DMC1: variants seen among roughly 807,000 people sequenced by gnomAD.
DMC1 encodes the protein meiotic recombination protein DMC1 homolog.
Under a neutral mutation model 50.1 loss-of-function variants are expected in DMC1, and 27 were observed. The observed-to-expected ratio is 0.54, with a 90% CI of 0.40 to 0.74. DMC1 has a LOEUF of 0.74. Ranked by LOEUF, DMC1 falls within the 30% of genes least tolerant of loss-of-function variation. The pLI, the probability that DMC1 is intolerant of heterozygous loss-of-function variation, is 0.00. For missense variants in DMC1, 295 were observed against 420.2 expected (o/e 0.70, Z 2.60); for synonymous variants, 148 against 136.1 (o/e 1.09, Z -0.61).
chr22:38,563,462 C>T (rs773966927), intron 4 of DMC1, among the ~76,000 whole-genome samples: 1 of 152,248 alleles, frequency 6.6e-6, no homozygotes, highest in Non-Finnish European at 1.5e-5. Flanking sequence ...GATTCTGATA[C>T]ACATCAGTGT....
In DMC1 at chr22:38,539,420, A is replaced by G. The variant is rs1357612658; in HGVS notation, c.495-8T>C. Reference sequence around the variant, plus strand: ...CTAAGGCGATCTGGACGGCTGGAGTATGCCAAGATTAAGGATCCAATAAGT... The same window carrying G: ...CTAAGGCGATCTGGACGGCTGGAGTGTGCCAAGATTAAGGATCCAATAAGT... On this transcript the variant is annotated splice_polypyrimidine_tract_variant and splice_region_variant and intron_variant, in intron 8 of 13. Transcript: ENST00000216024. 1 of 1,612,508 alleles carries G rather than the reference A, an allele frequency of 6.2e-7. No homozygotes were observed.
At chr22:38,509,295 ATTC>A in the DMC1 span, among the ~76,000 whole-genome samples, 1 of 151,888 alleles carries the variant, frequency 6.6e-6, no homozygotes, top group Non-Finnish European at 1.5e-5. Context: ...TCCGTTAGCT[ATTC>A]TTCTCGATGC....
chr22:38,569,655 G>A (rs2090618404), intron 1 of DMC1, among the ~76,000 whole-genome samples: 2 of 152,216 alleles, frequency 1.3e-5, no homozygotes, highest in South Asian at 2.1e-4. Flanking sequence ...AGACTGAACC[G>A]TTGGATTGAA....
intron 4 of DMC1, among the ~76,000 whole-genome samples, chr22:38,566,274 GAA>G (rs547899560): frequency 4.4e-5 from 3 of 67,670 alleles, no homozygotes; most frequent in East Asian, 3.9e-4. Context: ...CTCTGTCTCA[GAA>G]AAAAAAAAAA....
chr22:38,560,244 T>C (rs890843538), intron 5 of DMC1, among the ~76,000 whole-genome samples: 2 of 152,110 alleles, frequency 1.3e-5, no homozygotes, highest in African/African-American at 4.8e-5. Context: ...GCAAGCCATG[T>C]AGATCTAAGA....
Position 38,546,390 on chromosome 22 carries a change from GA to G in DMC1, c.494+3534del, listed in dbSNP as rs1008227349. Reference sequence around the variant, plus strand: ...GGCAACAAGAGTGAAACTCCATCTCGAAAAAAAAAAACTCCAAATTGCCCAA... The same window carrying G: ...GGCAACAAGAGTGAAACTCCATCTCGAAAAAAAAAACTCCAAATTGCCCAA... On this transcript the variant is annotated intron_variant, in intron 8 of 13. Transcript: ENST00000216024. Among the ~76,000 whole-genome samples the G allele has an allele frequency of 1.4e-4, 20 of 145,302 alleles. No homozygotes were observed. The South Asian group carries it at 1.5e-3, about 11-fold the overall frequency.
intron 12 of DMC1, among the ~76,000 whole-genome samples, chr22:38,528,062 A>C (rs939520735): frequency 2.7e-5 from 4 of 149,948 alleles, no homozygotes; most frequent in Non-Finnish European, 5.9e-5. Context: ...ATATATATTG[A>C]ATTTTTTTTT....
At chr22:38,514,418 T>C (rs2089962432), downstream of DMC1, among the ~76,000 whole-genome samples, 1 of 151,866 alleles carries the variant, frequency 6.6e-6, no homozygotes. Flanking sequence ...CTAATTTTTG[T>C]ATTTTTAGTA....
At chr22:38,552,756 ATT>A (rs769605172) in intron 6 of DMC1, 49 bp from the exon 7 acceptor site, 82 of 1,253,130 alleles carry the variant, frequency 6.5e-5, no homozygotes, top group Non-Finnish European at 8.0e-5. Flanking sequence ...ATTTCCAGAT[ATT>A]TTCATAAAGA....
chr22:38,531,962 C>T (rs572010061), intron 12 of DMC1, among the ~76,000 whole-genome samples: 1 of 152,210 alleles, frequency 6.6e-6, no homozygotes, highest in South Asian at 2.1e-4. Context: ...ACCTAATTTC[C>T]GCTGATTTCC....
chr22:38,570,162 G>A lies in DMC1; in HGVS notation c.-153C>T, dbSNP rs1334135090. The A allele has an allele frequency of 6.6e-6, 1 of 152,170 alleles. No homozygotes were observed. The highest frequency in any genetic ancestry group is 1.5e-5 in the Non-Finnish European group (1 of 68,116). The allele number at this position is 152,170 out of a possible 1,614,324, so 9.4% of individuals were successfully genotyped here. ...GAACACGGAGCCTGGAGACCCGCGC[G>A]CCGTTGACCACAGGGTTTGGCGCCA... On this transcript the variant is annotated 5_prime_UTR_variant, in exon 1 of 14. Transcript: ENST00000216024.
intron 12 of DMC1, among the ~76,000 whole-genome samples, chr22:38,530,506 T>TA (rs1365825761): frequency 2.0e-5 from 3 of 152,092 alleles, no homozygotes; most frequent in Non-Finnish European, 2.9e-5. Flanking sequence ...TTCAACAACT[T>TA]ACTGAGATTG....
At chr22:38,528,639 T>C (rs2090122210) in intron 12 of DMC1, among the ~76,000 whole-genome samples, 1 of 151,742 alleles carries the variant, frequency 6.6e-6, no homozygotes. Flanking sequence ...TGCAAAAAAT[T>C]AACCCGGTGT....
chr22:38,525,449 T>C (rs2090077754), intron 12 of DMC1, among the ~76,000 whole-genome samples: 1 of 152,178 alleles, frequency 6.6e-6, no homozygotes, highest in Non-Finnish European at 1.5e-5. Flanking sequence ...TGTATAGCCA[T>C]GATTTTTTTT....
chr22:38,534,660 G>C (rs1168171154), intron 12 of DMC1, among the ~76,000 whole-genome samples: 1 of 145,638 alleles, frequency 6.9e-6, no homozygotes, highest in Admixed American at 6.9e-5. Flanking sequence ...CTGAGATGGT[G>C]CTGCTGCACT....
intron 5 of DMC1, among the ~76,000 whole-genome samples, chr22:38,561,982 A>T (rs2090532062): frequency 6.6e-6 from 1 of 152,204 alleles, no homozygotes; most frequent in Admixed American, 6.5e-5. Context: ...GCAATGAAAC[A>T]TCCTTCATAT....
intron 5 of DMC1, among the ~76,000 whole-genome samples, chr22:38,556,216 C>A (rs11089890): frequency 0.033 from 5,073 of 151,934 alleles, 270 homozygotes; most frequent in African/African-American, 0.12. Flanking sequence ...TTTTCTTTTT[C>A]TTTTTTGAGA....
intron 8 of DMC1, among the ~76,000 whole-genome samples, chr22:38,542,308 A>G (rs2145885242): frequency 6.6e-6 from 1 of 152,218 alleles, no homozygotes; most frequent in East Asian, 1.9e-4. Flanking sequence ...GGAAAAACCC[A>G]GACTCCACCA....
Position 38,538,405 on chromosome 22 carries a change from A to C in DMC1, c.665T>G (p.Ile222Ser). 1 of 1,612,844 alleles carries C rather than the reference A, an allele frequency of 6.2e-7. No individual in the cohort carries two copies. The highest frequency in any genetic ancestry group is 8.5e-7 in the Non-Finnish European group (1 of 1,179,530). ...EEAGIFKLLI[I>S]DSIMALFRVD... ...TCGAAAAAGTGCCATTATTGAATCG[A>C]TAATCTACACAGGATTAATGTAAAA... The change falls in exon 11 of 14, where the codon ATC (isoleucine) becomes AGC (serine). Residue 222 changes from isoleucine to serine, a missense_variant. Ile to Ser is a moderately radical substitution (Grantham distance 142, BLOSUM62 -2). Transcript: ENST00000216024.
Sources: gnomAD v4.1 joint callset for allele counts (sites outside exome capture counted in the v4.1 genomes callset) on GRCh38, gnomAD v4.1.1 for gene constraint, MANE v1.5 for transcripts, NCBI Gene and HGNC (gene_info 2026-07-23, HGNC 2026-07-21) for gene names.